GRM7: variants seen among roughly 807,000 people sequenced by gnomAD.
GRM7 encodes glutamate metabotropic receptor 7.
GRM7 carries 35 observed loss-of-function variants against 84.5 expected under a neutral mutation model. The observed-to-expected ratio is 0.41, with a 90% CI of 0.32 to 0.55. The LOEUF (loss-of-function observed/expected upper bound fraction) is 0.55, where lower values mean the gene tolerates loss of function less well. Ranked by LOEUF, GRM7 falls within the 20% of genes least tolerant of loss-of-function variation. The pLI, the probability that GRM7 is intolerant of heterozygous loss-of-function variation, is 0.19. For missense variants in GRM7, 1,003 were observed against 1,194.6 expected (o/e 0.84, Z 2.36); for synonymous variants, 487 against 455.1 (o/e 1.07, Z -0.89).
chr3:7,373,785 C>G (rs566556176), intron 4 of GRM7, among the ~76,000 whole-genome samples: 5 of 133,160 alleles, frequency 3.8e-5, no homozygotes, highest in African/African-American at 1.7e-4. Flanking sequence ...GTAGTCTGTT[C>G]AACAGACCGT....
chr3:7,112,537 A>T (rs1464548480), intron 1 of GRM7, among the ~76,000 whole-genome samples: 1 of 151,978 alleles, frequency 6.6e-6, no homozygotes, highest in Non-Finnish European at 1.5e-5. Flanking sequence ...TGATTCTTAA[A>T]ATGCATTTGC....
At chr3:7,290,673 C>T (rs1699589343) in intron 2 of GRM7, among the ~76,000 whole-genome samples, 1 of 152,128 alleles carries the variant, frequency 6.6e-6, no homozygotes, top group Non-Finnish European at 1.5e-5. Context: ...TGTACTTCCA[C>T]CCCAACCCCA....
chr3:7,518,496 A>G (rs1487903644), intron 7 of GRM7, among the ~76,000 whole-genome samples: 2 of 152,234 alleles, frequency 1.3e-5, no homozygotes, highest in Admixed American at 1.3e-4. Flanking sequence ...AAAAGGTTTC[A>G]TATCAAGGTT....
chr3:7,506,836 G>T (rs1041961248), intron 7 of GRM7, among the ~76,000 whole-genome samples: 7 of 152,114 alleles, frequency 4.6e-5, no homozygotes, highest in African/African-American at 1.2e-4. Flanking sequence ...CTACTCATGA[G>T]GGCAGAGCCA....
intron 1 of GRM7, among the ~76,000 whole-genome samples, chr3:7,072,051 G>A (rs1159476846): frequency 6.6e-6 from 1 of 152,100 alleles, no homozygotes. Flanking sequence ...TTTCATGGAT[G>A]GATTCACATT....
At chr3:7,618,652 C>T (rs1200783569) in intron 8 of GRM7, among the ~76,000 whole-genome samples, 2 of 152,090 alleles carry the variant, frequency 1.3e-5, no homozygotes, top group South Asian at 4.1e-4. Context: ...TTTGCAAAGT[C>T]TCTTTTCACT....
intron 7 of GRM7, among the ~76,000 whole-genome samples, chr3:7,528,636 T>C (rs1360818066): frequency 5.3e-5 from 8 of 152,074 alleles, no homozygotes; most frequent in Non-Finnish European, 1.5e-5. Context: ...ATCTTTCTTT[T>C]TGATGTAGGC....
intron 1 of GRM7, among the ~76,000 whole-genome samples, chr3:6,933,745 A>T (rs1697588909): frequency 6.9e-6 from 1 of 145,924 alleles, no homozygotes. Context: ...TTAAAAAAAA[A>T]AACAAAACAA....
chr3:7,045,475 A>G (rs975012815), intron 1 of GRM7, among the ~76,000 whole-genome samples: 1 of 152,174 alleles, frequency 6.6e-6, no homozygotes, highest in Non-Finnish European at 1.5e-5. Context: ...GCTGTGCACT[A>G]AATGTCCAGA....
intron 2 of GRM7, among the ~76,000 whole-genome samples, chr3:7,176,505 G>A (rs144053269): frequency 9.1e-4 from 139 of 152,194 alleles, no homozygotes; most frequent in South Asian, 4.1e-3. Flanking sequence ...TTCATTCAGT[G>A]CAGAAAATAT....
chr3:7,293,167 C>T (rs2125013640), intron 2 of GRM7, among the ~76,000 whole-genome samples: 1 of 152,168 alleles, frequency 6.6e-6, no homozygotes, highest in Non-Finnish European at 1.5e-5. Flanking sequence ...GATTGAGTTT[C>T]AGGCTTTAAA....
chr3:7,679,682 A>G (rs899271940), intron 8 of GRM7, among the ~76,000 whole-genome samples: 10 of 152,196 alleles, frequency 6.6e-5, no homozygotes, highest in Non-Finnish European at 1.5e-4. Context: ...TACATGTATG[A>G]AAGATAAAAC....
intron 4 of GRM7, among the ~76,000 whole-genome samples, chr3:7,372,610 G>A (rs1443012775): frequency 1.3e-5 from 2 of 152,102 alleles, no homozygotes; most frequent in Non-Finnish European, 2.9e-5. Context: ...TCTGTTGCAG[G>A]AGGACTCAGA....
At chr3:7,608,908 G>A (rs181276070) in intron 8 of GRM7, among the ~76,000 whole-genome samples, 4 of 152,104 alleles carry the variant, frequency 2.6e-5, no homozygotes, top group Admixed American at 1.3e-4. Flanking sequence ...GTAAGAAAGG[G>A]GTCCAGCTTC....
At chr3:6,867,212 A>C (rs528351332) in intron 1 of GRM7, among the ~76,000 whole-genome samples, 91 of 152,306 alleles carry the variant, frequency 6.0e-4, no homozygotes, top group African/African-American at 2.1e-3. Flanking sequence ...AAAGCAGCTG[A>C]TTTTCTGCAT....
chr3:7,219,453 T>A (rs1293089349), intron 2 of GRM7, among the ~76,000 whole-genome samples: 1 of 152,208 alleles, frequency 6.6e-6, no homozygotes, highest in African/African-American at 2.4e-5. Context: ...TATGTATAAA[T>A]AAGTCTGTGA....
chr3:6,979,708 T>TA (rs1694125424), intron 1 of GRM7, among the ~76,000 whole-genome samples: 1 of 152,188 alleles, frequency 6.6e-6, no homozygotes, highest in African/African-American at 2.4e-5. Flanking sequence ...TCTTATTTTG[T>TA]AAAAAATAAA....
chr3:7,517,462 G>A (rs576740523), intron 7 of GRM7, among the ~76,000 whole-genome samples: 170 of 152,122 alleles, frequency 1.1e-3, no homozygotes, highest in African/African-American at 4.0e-3. Flanking sequence ...GCATGATCTC[G>A]GCTCACTGCA....
rs561533161 is a variant in GRM7, at chr3:7,013,050, C to A, written c.520-133402C>A. ...CAATGGCACCTGACCTTCCTGACAA[C>A]CCCCAGTTTTTTACCATTAGACCAC... On this transcript the variant is annotated intron_variant, in intron 1 of 9. Transcript: ENST00000357716. Among the ~76,000 whole-genome samples, 6 of 151,934 alleles carry A rather than the reference C, an allele frequency of 3.9e-5. No individual in the cohort carries two copies. In the South Asian group the frequency reaches 6.2e-4, roughly 16 times the overall value.
Sources: gnomAD v4.1 joint callset for allele counts (sites outside exome capture counted in the v4.1 genomes callset) on GRCh38, gnomAD v4.1.1 for gene constraint, MANE v1.5 for transcripts, NCBI Gene and HGNC (gene_info 2026-07-23, HGNC 2026-07-21) for gene names.